Variants in CCDC170 observed in about 807,000 individuals in gnomAD.
CCDC170 encodes the protein coiled-coil domain-containing protein 170.
In CCDC170, 69 loss-of-function variants were observed where a neutral mutation model predicts 72.6. The observed-to-expected ratio is 0.95, with a 90% CI of 0.78 to 1.16. The LOEUF is 1.16. CCDC170 is among the 50% of genes most tolerant of loss of function. The pLI, the probability that CCDC170 is intolerant of heterozygous loss-of-function variation, is 0.00. For synonymous variants in CCDC170, 300 were observed against 303.9 expected, an observed-to-expected ratio of 0.99 and a Z score of 0.13; for missense variants, 852 against 832.5, an observed-to-expected ratio of 1.02 and a Z score of -0.29.
chr6:151,574,205 C>T (rs1776269705), intron 6 of CCDC170, among the ~76,000 whole-genome samples: 1 of 152,180 alleles, frequency 6.6e-6, no homozygotes, highest in Non-Finnish European at 1.5e-5. Flanking sequence ...AGAGCAAATC[C>T]TGTCTCTAAA....
intron 9 of CCDC170, among the ~76,000 whole-genome samples, chr6:151,605,854 A>G (rs1776774420): frequency 6.7e-6 from 1 of 148,560 alleles, no homozygotes; most frequent in South Asian, 2.1e-4. Flanking sequence ...GTTTTTGTAT[A>G]TCTTGGGGTT....
intron 1 of CCDC170, among the ~76,000 whole-genome samples, chr6:151,504,490 A>G (rs1782039282): frequency 6.6e-6 from 1 of 150,470 alleles, no homozygotes; most frequent in African/African-American, 2.5e-5. Flanking sequence ...ACCAATAAAA[A>G]ATAATTGGTA....
At chr6:151,553,278 C>A (rs2115063788) in intron 5 of CCDC170, among the ~76,000 whole-genome samples, 1 of 152,226 alleles carries the variant, frequency 6.6e-6, no homozygotes, top group Non-Finnish European at 1.5e-5. Flanking sequence ...AGGATTTGAA[C>A]CCATATCATT....
chr6:151,532,333 A>C (rs2115042051), intron 1 of CCDC170, among the ~76,000 whole-genome samples: 1 of 152,318 alleles, frequency 6.6e-6, no homozygotes, highest in African/African-American at 2.4e-5. Flanking sequence ...TTGGCTGGGC[A>C]CAGTGGCTCA....
intron 1 of CCDC170, among the ~76,000 whole-genome samples, chr6:151,518,804 C>T (rs1782272611): frequency 6.6e-6 from 1 of 152,116 alleles, no homozygotes; most frequent in Non-Finnish European, 1.5e-5. Flanking sequence ...ACCTGAGCTG[C>T]AAAGCCAGCA....
At chr6:151,509,383 TGACAG>T (rs1782115381) in intron 1 of CCDC170, among the ~76,000 whole-genome samples, 1 of 152,202 alleles carries the variant, frequency 6.6e-6, no homozygotes, top group African/African-American at 2.4e-5. Flanking sequence ...TCATTATTCT[TGACAG>T]CTATACCCAA....
intron 1 of CCDC170, among the ~76,000 whole-genome samples, chr6:151,529,581 C>T (rs1051280530): frequency 5.9e-5 from 9 of 152,050 alleles, no homozygotes; most frequent in East Asian, 1.9e-4. Context: ...CGCTTGAACC[C>T]GGGAGGCGGA....
intron 1 of CCDC170, among the ~76,000 whole-genome samples, chr6:151,534,350 T>C (rs1189349420): frequency 1.3e-5 from 2 of 151,130 alleles, no homozygotes; most frequent in East Asian, 1.9e-4. Context: ...CCACTGCACC[T>C]GGTCTAGCTT....
At chr6:151,585,056 A>G (rs950399230) in intron 6 of CCDC170, among the ~76,000 whole-genome samples, 1 of 152,142 alleles carries the variant, frequency 6.6e-6, no homozygotes, top group Non-Finnish European at 1.5e-5. Context: ...ATGAAACTGG[A>G]TTTAGTAAAA....
At chr6:151,517,484 G>A (rs761940402) in intron 1 of CCDC170, among the ~76,000 whole-genome samples, 8 of 146,362 alleles carry the variant, frequency 5.5e-5, no homozygotes, top group East Asian at 2.0e-4. Context: ...CCCAGGCTGC[G>A]TGCAGTGGCA....
chr6:151,535,139 C>A (rs756727028), intron 1 of CCDC170, among the ~76,000 whole-genome samples: 1 of 152,192 alleles, frequency 6.6e-6, no homozygotes, highest in Admixed American at 6.5e-5. Flanking sequence ...TTATTTGATT[C>A]ATATGTGTTT....
At chr6:151,573,083 G>A (rs974647195) in intron 5 of CCDC170, 91 bp from the exon 6 acceptor site, 19 of 1,175,164 alleles carry the variant, frequency 1.6e-5, no homozygotes, top group South Asian at 6.0e-5. Flanking sequence ...GTAGTCATTA[G>A]CAGGCAAAGT....
At chr6:151,541,081 G>C (rs1035437556) in intron 3 of CCDC170, among the ~76,000 whole-genome samples, 6 of 152,056 alleles carry the variant, frequency 3.9e-5, no homozygotes, top group African/African-American at 1.2e-4. Context: ...CCTTGAACCT[G>C]ACAGACCTGA....
At chr6:151,602,202 C>T (rs1034681218) in intron 9 of CCDC170, among the ~76,000 whole-genome samples, 4 of 152,178 alleles carry the variant, frequency 2.6e-5, no homozygotes, top group African/African-American at 7.2e-5. Flanking sequence ...GATACTATTA[C>T]ATTTTAATTT....
In CCDC170 at chr6:151,538,060, T is replaced by C. The variant is rs1328610750; in HGVS notation, c.202T>C (p.Ser68Pro). The C allele has an allele frequency of 6.2e-7, 1 of 1,612,312 alleles. No homozygotes were observed. The highest frequency in any genetic ancestry group is 2.2e-5 in the East Asian group (1 of 44,798). The change falls in exon 3 of 11, where the codon TCC (serine) becomes CCC (proline). Residue 68 changes from serine to proline, a missense_variant. Coordinates refer to ENST00000239374, the MANE Select transcript of CCDC170 (RefSeq NM_025059.4). ...CAQSELQDLR[S>P]KMLSKEVSCQ... ...TCCATGTTAGCTTCAAGACCTCCGA[T>C]CCAAGATGCTTTCTAAAGAAGTCTC...
chr6:151,617,079 A>G (rs1776980171), intron 10 of CCDC170, among the ~76,000 whole-genome samples: 1 of 152,182 alleles, frequency 6.6e-6, no homozygotes, highest in Non-Finnish European at 1.5e-5. Context: ...TTTGGGTGGC[A>G]TTCTCTTGGA....
intron 1 of CCDC170, among the ~76,000 whole-genome samples, chr6:151,527,299 T>C (rs1362769550): frequency 6.6e-6 from 1 of 152,120 alleles, no homozygotes; most frequent in East Asian, 1.9e-4. Context: ...TACTTGATTT[T>C]ATGCAGAAAT....
chr6:151,513,919 C>CAAAA (rs58387477), intron 1 of CCDC170, among the ~76,000 whole-genome samples: 17 of 51,158 alleles, frequency 3.3e-4, no homozygotes, highest in South Asian at 7.9e-4. Flanking sequence ...GACCCTGTCT[C>CAAAA]AAAAAAAAAA....
chr6:151,596,374 C>A lies in CCDC170; in HGVS notation c.1507C>A (p.His503Asn), dbSNP rs1157305314. The A allele has an allele frequency of 6.2e-7, 1 of 1,613,928 alleles. No individual in the cohort carries two copies. The highest frequency in any genetic ancestry group is 8.5e-7 in the Non-Finnish European group (1 of 1,180,020). Residue 503 changes from histidine (H) to asparagine (N), a missense_variant, in exon 9 of 11, where the codon CAC (histidine) becomes AAC (asparagine). Physicochemically the swap from His to Asn is moderately conservative, Grantham distance 68. Coordinates refer to ENST00000239374, the MANE Select transcript of CCDC170 (RefSeq NM_025059.4). ...AGAGAGACTGGAGAGCAAAGAATTA[C>A]ACATGAGCCTCCTCCGGCAGAAAAT... ...QKERLESKEL[H>N]MSLLRQKIAQ...
Sources: allele counts gnomAD v4.1 joint callset (sites outside exome capture counted in the v4.1 genomes callset), GRCh38; gene constraint gnomAD v4.1.1; transcripts MANE v1.5; gene names NCBI Gene and HGNC (gene_info 2026-07-23, HGNC 2026-07-21).